Variants in PCDHA5 observed in about 807,000 individuals in gnomAD.
PCDHA5 encodes the protein protocadherin alpha 5, also known as protocadherin alpha-5.
In PCDHA5, 43 loss-of-function variants were observed where a neutral mutation model predicts 61.6. The observed-to-expected ratio is 0.70, with a 90% CI of 0.55 to 0.90. The LOEUF (loss-of-function observed/expected upper bound fraction) is 0.90, where lower values mean the gene tolerates loss of function less well. PCDHA5 is among the 40% of genes least tolerant of loss of function. PCDHA5 has a pLI of 0.00. For synonymous variants in PCDHA5, 627 were observed against 543.9 expected (o/e 1.15, Z -2.13); for missense variants, 1,298 against 1,222.7 (o/e 1.06, Z -0.92).
intron 3 of PCDHA5, among the ~76,000 whole-genome samples, chr5:140,989,698 A>G (rs145222021): frequency 6.6e-6 from 1 of 152,344 alleles, no homozygotes; most frequent in African/African-American, 2.4e-5. Flanking sequence ...TGAAAATTTT[A>G]TCTTCAGAGG....
chr5:140,903,334 G>A (rs1451948444), intron 1 of PCDHA5, among the ~76,000 whole-genome samples: 2 of 152,132 alleles, frequency 1.3e-5, no homozygotes, highest in Non-Finnish European at 2.9e-5. Context: ...TTGAGGAAAG[G>A]ATGCATTTTA....
In PCDHA5 at chr5:140,850,260, G is replaced by T. The variant is rs2150476183; in HGVS notation, c.2352+26133G>T. On this transcript the variant is annotated intron_variant, in intron 1 of 3. Transcript: ENST00000529859. Reference sequence around the variant, plus strand: ...GGTGCTGCGGTCGGTGGGCGCCGGCGTAGTGGTGGGGAAGGTGCGCGCAGT... The same window carrying T: ...GGTGCTGCGGTCGGTGGGCGCCGGCTTAGTGGTGGGGAAGGTGCGCGCAGT... 1.2e-4 allele frequency: 186 copies of T among 1,594,256 alleles called. 15 individuals carry two copies. The highest frequency in any genetic ancestry group is 2.2e-4 in the Middle Eastern group (1 of 4,474).
Position 141,010,533 on chromosome 5 carries a change from C to T in PCDHA5, c.*596C>T, listed in dbSNP as rs1466502614. 4 of 390,018 alleles carry T rather than the reference C, an allele frequency of 1.0e-5. No homozygotes were observed. Among genetic ancestry groups the T allele is most frequent in the African/African-American group, 8.2e-5 (4 of 49,000 alleles). 24.2% of individuals were successfully genotyped at this position (390,018 alleles called of 1,614,324 possible). ...TACAACTCAAGAGGTGGCAGCCACCCTCTAGGAGACAAAACTACCCCCACT... is the reference window on the plus strand; with the variant it reads ...TACAACTCAAGAGGTGGCAGCCACCTTCTAGGAGACAAAACTACCCCCACT... On this transcript the variant is annotated 3_prime_UTR_variant, in exon 4 of 4. Transcript: ENST00000529859.
chr5:140,895,665 A>G (rs782373926), intron 1 of PCDHA5, among the ~76,000 whole-genome samples: 1 of 152,114 alleles, frequency 6.6e-6, no homozygotes, highest in Non-Finnish European at 1.5e-5. Flanking sequence ...AAGTGAGAAC[A>G]TGTAGTATTT....
chr5:140,896,227 A>G (rs1332090647), intron 1 of PCDHA5, among the ~76,000 whole-genome samples: 1 of 152,230 alleles, frequency 6.6e-6, no homozygotes, highest in Non-Finnish European at 1.5e-5. Flanking sequence ...TCTTTATAGT[A>G]GAATGACTTA....
intron 1 of PCDHA5, among the ~76,000 whole-genome samples, chr5:140,941,215 C>CTTT (rs782548958): frequency 2.3e-4 from 24 of 104,510 alleles, no homozygotes; most frequent in African/African-American, 3.3e-4. Context: ...TTCTTTCTTC[C>CTTT]TTTCTTTCTT....
Position 140,871,201 on chromosome 5 carries a change from A to G in PCDHA5, c.2352+47074A>G, listed in dbSNP as rs561860727. ...GCTGGTGGATGTCAACGTGTACCTGATCATCGCCATCTGCGTGGTGTCCAG... is the reference window on the plus strand; with the variant it reads ...GCTGGTGGATGTCAACGTGTACCTGGTCATCGCCATCTGCGTGGTGTCCAG... On this transcript the variant is annotated intron_variant, in intron 1 of 3. Coordinates refer to ENST00000529859, the MANE Select transcript of PCDHA5 (RefSeq NM_018908.3). The G allele has an allele frequency of 3.3e-5, 54 of 1,613,672 alleles. 1 individual carries two copies. The Admixed American group carries it at 7.2e-4, about 21-fold the overall frequency.
chr5:140,866,884 T>C (rs1016288169), intron 1 of PCDHA5: 1 of 152,130 alleles, frequency 6.6e-6, no homozygotes, highest in Non-Finnish European at 1.5e-5. Flanking sequence ...TATTAGCCTA[T>C]ACCCAGATAT....
At position 140,822,552 on chromosome 5, in the gene PCDHA5, A is replaced by G. The variant is rs2150117268; in HGVS notation, c.777A>G (p.Leu259=). 1 of 1,613,382 alleles carries G rather than the reference A, an allele frequency of 6.2e-7. No homozygotes were observed. The highest frequency in any genetic ancestry group is 8.5e-7 in the Non-Finnish European group (1 of 1,179,600). Residue 259 remains leucine, a synonymous_variant, in exon 1 of 4, where the codon TTA becomes TTG. Transcript: ENST00000529859. ...TGGAAAATGCACCAAGTGGGACATT[A>G]GTTATTAAACTGAACGCCTCAGATG... The part of the protein sequence containing the change: ...RLLENAPSGT[L]VIKLNASDAD...
intron 2 of PCDHA5, among the ~76,000 whole-genome samples, chr5:140,979,453 A>G (rs2096852067): frequency 6.6e-6 from 1 of 151,906 alleles, no homozygotes; most frequent in Admixed American, 6.6e-5. Flanking sequence ...TATTACCCTC[A>G]ATAATTGATT....
At chr5:140,882,319 G>A in intron 1 of PCDHA5, 1 of 1,614,136 alleles carries the variant, frequency 6.2e-7, no homozygotes, top group Admixed American at 1.7e-5. Context: ...TACTGCTCTG[G>A]CTTCTGATCC....
intron 1 of PCDHA5, chr5:140,969,441 G>T (rs1554231808): frequency 1.9e-6 from 3 of 1,543,640 alleles, no homozygotes; most frequent in Non-Finnish European, 2.6e-6. Flanking sequence ...GAGTTATCTG[G>T]TAAACTGAGT....
intron 1 of PCDHA5, chr5:140,876,621 A>G: frequency 6.2e-7 from 1 of 1,614,120 alleles, no homozygotes; most frequent in Non-Finnish European, 8.5e-7. Context: ...GAGCCAATGG[A>G]CAGGTCATCT....
rs782248969 is a variant in PCDHA5 at position 140,927,466 on chromosome 5, G to A, written c.2353-51483G>A. 67 of 1,614,044 alleles carry A rather than the reference G, an allele frequency of 4.2e-5. No homozygotes were observed. Among genetic ancestry groups the A allele is most frequent in the Non-Finnish European group, 5.4e-5 (64 of 1,180,052 alleles). Reference sequence around the variant, plus strand: ...GGAGTTGGTGTTGGAGAAAGCACTGGATCGCGAACAGCGCGCCACCCACCT... The same window carrying A: ...GGAGTTGGTGTTGGAGAAAGCACTGAATCGCGAACAGCGCGCCACCCACCT... On this transcript the variant is annotated intron_variant, in intron 1 of 3. Coordinates refer to ENST00000529859, the MANE Select transcript of PCDHA5 (RefSeq NM_018908.3).
At position 140,872,081 on chromosome 5, in the gene PCDHA5, C is replaced by A. The variant is rs559710022; in HGVS notation, c.2352+47954C>A. ...TCCAGAGTAGCTGGGAATGCAGTGC[C>A]ACTGCACTTAGTCCATTGGCTTTCC... On this transcript the variant is annotated intron_variant, in intron 1 of 3. Transcript: ENST00000529859. Among the ~76,000 whole-genome samples the A allele has an allele frequency of 2.6e-5, 4 of 152,212 alleles. No individual in the cohort carries two copies. In the South Asian group the frequency reaches 8.3e-4, roughly 32 times the overall value.
intron 3 of PCDHA5, among the ~76,000 whole-genome samples, chr5:140,995,476 A>G (rs2097685199): frequency 6.6e-6 from 1 of 152,210 alleles, no homozygotes; most frequent in Non-Finnish European, 1.5e-5. Flanking sequence ...TTTTTCATTT[A>G]ATATTTTCAG....
intron 1 of PCDHA5, chr5:140,857,033 A>C: frequency 1.3e-6 from 2 of 1,595,572 alleles, no homozygotes; most frequent in Non-Finnish European, 8.6e-7. Flanking sequence ...AAACCCACCT[A>C]TGGTTGGTCA....
intron 1 of PCDHA5, among the ~76,000 whole-genome samples, chr5:140,838,428 T>G (rs1373601057): frequency 6.6e-6 from 1 of 151,638 alleles, no homozygotes; most frequent in Non-Finnish European, 1.5e-5. Context: ...CCGGCCTAAA[T>G]TATATATTGG....
rs1554169144 is a variant in PCDHA5, at chr5:140,876,947, A to T, written c.2352+52820A>T. On this transcript the variant is annotated intron_variant, in intron 1 of 3. Transcript: ENST00000529859. ...GCGCAGAAGAACGCGCTGGTGTCCT[A>T]CTCGCTGGTGGAGCGGCGGGTGGGC... 1 of 1,613,496 alleles carries T rather than the reference A, an allele frequency of 6.2e-7. No homozygotes were observed. The highest frequency in any genetic ancestry group is 8.5e-7 in the Non-Finnish European group (1 of 1,179,858).
Sources: gnomAD v4.1 joint callset for allele counts (sites outside exome capture counted in the v4.1 genomes callset) on GRCh38, gnomAD v4.1.1 for gene constraint, MANE v1.5 for transcripts, NCBI Gene and HGNC (gene_info 2026-07-23, HGNC 2026-07-21) for gene names.